The following DOCK2 variants were observed in gnomAD, a reference collection of about 807,000 sequenced individuals.
The protein encoded by DOCK2 is dedicator of cytokinesis protein 2.
In DOCK2, 87 loss-of-function variants were observed where a neutral mutation model predicts 248.9. The observed-to-expected ratio is 0.35, with a 90% confidence interval of 0.29 to 0.42. The LOEUF (loss-of-function observed/expected upper bound fraction) is 0.42, where lower values mean the gene tolerates loss of function less well. Among genes scored for constraint, DOCK2 ranks in the 10% least tolerant of loss-of-function variants. DOCK2 has a pLI of 1.00. For synonymous variants in DOCK2, 805 were observed against 821.6 expected (o/e 0.98, Z 0.35); for missense variants, 1,747 against 2,300.2 (o/e 0.76, Z 4.92).
At chr5:169,951,096 C>G (rs1489194613) in intron 27 of DOCK2, among the ~76,000 whole-genome samples, 4 of 152,202 alleles carry the variant, frequency 2.6e-5, no homozygotes, top group Admixed American at 2.6e-4. Context: ...CCTGCCTTAT[C>G]TGGGACACGG....
intron 27 of DOCK2, among the ~76,000 whole-genome samples, chr5:169,862,330 T>C (rs1434561327): frequency 6.6e-6 from 1 of 152,232 alleles, no homozygotes. Flanking sequence ...TCTAGCATGA[T>C]GCCCGAGAAT....
chr5:170,006,709 G>C (rs1275823780), intron 30 of DOCK2, among the ~76,000 whole-genome samples: 1 of 152,202 alleles, frequency 6.6e-6, no homozygotes, highest in African/African-American at 2.4e-5. Flanking sequence ...AATGTAAACT[G>C]CGTGAGGCCA....
At chr5:169,790,150 A>G (rs1766241644) in intron 25 of DOCK2, among the ~76,000 whole-genome samples, 1 of 152,172 alleles carries the variant, frequency 6.6e-6, no homozygotes, top group African/African-American at 2.4e-5. Context: ...TTCTCATTTA[A>G]TTCTCTGAAA....
At chr5:170,012,124 G>A (rs891693428) in intron 32 of DOCK2, among the ~76,000 whole-genome samples, 3 of 152,190 alleles carry the variant, frequency 2.0e-5, no homozygotes, top group Non-Finnish European at 4.4e-5. Context: ...GAGGCTAAAA[G>A]AGCCTGTCCT....
chr5:169,985,348 CGT>C (rs5873200), intron 28 of DOCK2, among the ~76,000 whole-genome samples: 11,227 of 136,638 alleles, frequency 0.082, 320 homozygotes, highest in East Asian at 0.19. Flanking sequence ...CTAATCTGCT[CGT>C]GTGTGTGTGT....
At chr5:169,750,462 C>T (rs1366862975) in intron 23 of DOCK2, among the ~76,000 whole-genome samples, 1 of 152,186 alleles carries the variant, frequency 6.6e-6, no homozygotes. Context: ...TATAAGATTT[C>T]ATTGTGTGGG....
At chr5:169,885,472 C>G (rs1772919332) in intron 27 of DOCK2, among the ~76,000 whole-genome samples, 2 of 152,226 alleles carry the variant, frequency 1.3e-5, no homozygotes, top group South Asian at 4.1e-4. Context: ...TGAACTCGTT[C>G]TGCTATGACT....
intron 27 of DOCK2, among the ~76,000 whole-genome samples, chr5:169,972,167 C>T (rs1457802655): frequency 1.3e-5 from 2 of 152,202 alleles, no homozygotes; most frequent in Non-Finnish European, 2.9e-5. Context: ...CTCTATCAAT[C>T]TTGTAGTTTC....
intron 36 of DOCK2, among the ~76,000 whole-genome samples, chr5:170,038,579 G>C (rs999180964): frequency 6.6e-6 from 1 of 152,188 alleles, no homozygotes; most frequent in African/African-American, 2.4e-5. Flanking sequence ...GCCGAACCGG[G>C]TGGTGGCAGC....
chr5:170,071,649 A>G lies in DOCK2; in HGVS notation c.4728+2429A>G, dbSNP rs567062448. 4.6e-5 allele frequency among the ~76,000 whole-genome samples: 7 copies of G among 152,316 alleles called. No individual in the cohort carries two copies. In the East Asian group the frequency reaches 7.7e-4, roughly 17 times the overall value. ...TAACCCACTGATTTATCAAAAACAT[A>G]CATCCGTTTGACCACCACCCAGATG... On this transcript the variant is annotated intron_variant, in intron 46 of 51. Coordinates refer to ENST00000520908, the MANE Select transcript of DOCK2 (RefSeq NM_004946.3).
intron 27 of DOCK2, among the ~76,000 whole-genome samples, chr5:169,922,238 G>C (rs1421065048): frequency 2.0e-5 from 3 of 152,184 alleles, no homozygotes; most frequent in African/African-American, 7.2e-5. Flanking sequence ...GGTATTTATT[G>C]CTTCCAAAGA....
At chr5:170,034,692 G>T in intron 35 of DOCK2, 137 bp downstream of exon 35, 1 of 1,256,298 alleles carries the variant, frequency 8.0e-7, no homozygotes, top group Non-Finnish European at 1.1e-6. Flanking sequence ...GGAATGGAAC[G>T]TCTGCTGCGC....
At chr5:170,054,270 A>G (rs1395063784) in intron 41 of DOCK2, among the ~76,000 whole-genome samples, 2 of 152,202 alleles carry the variant, frequency 1.3e-5, no homozygotes, top group South Asian at 4.1e-4. Context: ...TTTTGGAGTC[A>G]TGGTGGTCAT....
At chr5:169,945,256 C>T (rs1382996923) in intron 27 of DOCK2, among the ~76,000 whole-genome samples, 6 of 152,230 alleles carry the variant, frequency 3.9e-5, no homozygotes, top group African/African-American at 7.2e-5. Context: ...ATTCATACAA[C>T]GGGTCAATAA....
At chr5:169,940,284 C>T (rs1776187320) in intron 27 of DOCK2, among the ~76,000 whole-genome samples, 1 of 152,146 alleles carries the variant, frequency 6.6e-6, no homozygotes, top group Non-Finnish European at 1.5e-5. Flanking sequence ...CAACCAGGGG[C>T]AATTTTGTCT....
At chr5:170,046,004 G>A in intron 39 of DOCK2, 99 bp downstream of exon 39, 7 of 1,123,910 alleles carry the variant, frequency 6.2e-6, no homozygotes. Context: ...GGGCCAGGCG[G>A]GGTTAGGGAA....
At chr5:169,957,031 G>A (rs753029288) in intron 27 of DOCK2, among the ~76,000 whole-genome samples, 76 of 151,782 alleles carry the variant, frequency 5.0e-4, no homozygotes, top group Non-Finnish European at 9.9e-4. Context: ...AGTTTATTCT[G>A]GGGCTTACTA....
chr5:169,652,359 A>C (rs753423115), intron 1 of DOCK2, among the ~76,000 whole-genome samples: 5 of 152,226 alleles, frequency 3.3e-5, no homozygotes, highest in African/African-American at 7.2e-5. Context: ...CAGAGCCAGG[A>C]AAAGACAGAA....
intron 30 of DOCK2, among the ~76,000 whole-genome samples, chr5:170,002,591 G>A (rs1465309656): frequency 6.6e-6 from 1 of 152,128 alleles, no homozygotes; most frequent in Non-Finnish European, 1.5e-5. Flanking sequence ...AACTATGTGT[G>A]TATATTACTT....
Sources: gnomAD v4.1 joint callset for allele counts (sites outside exome capture counted in the v4.1 genomes callset) on GRCh38, gnomAD v4.1.1 for gene constraint, MANE v1.5 for transcripts, NCBI Gene and HGNC (gene_info 2026-07-23, HGNC 2026-07-21) for gene names.